FRMD4A: variants seen among roughly 807,000 people sequenced by gnomAD.
The protein encoded by FRMD4A is FERM domain containing 4A, also known as FERM domain-containing protein 4A.
A neutral mutation model predicts 129.1 loss-of-function variants in FRMD4A; 29 were observed. That is an observed-to-expected ratio of 0.22 (90% CI 0.17 to 0.31). The LOEUF (loss-of-function observed/expected upper bound fraction) is 0.31. Among genes scored for constraint, FRMD4A ranks in the 10% least tolerant of loss-of-function variants. The pLI is 1.00. For missense variants in FRMD4A, 1,272 were observed against 1,375.8 expected, an observed-to-expected ratio of 0.92 and a Z score of 1.19; for synonymous variants, 634 against 571.6, an observed-to-expected ratio of 1.11 and a Z score of -1.56.
chr10:13,787,754 T>C (rs546735480), intron 5 of FRMD4A, among the ~76,000 whole-genome samples: 97 of 151,920 alleles, frequency 6.4e-4, no homozygotes, highest in Non-Finnish European at 9.6e-4. Context: ...TCTTCTTCTT[T>C]TTTTTTTTTA....
rs370407339 is a variant in FRMD4A at position 13,707,105 on chromosome 10, T to C, written c.768A>G (p.Gln256=). Residue 256 remains glutamine, a synonymous_variant, in exon 13 of 25, where the codon CAA becomes CAG. Coordinates refer to ENST00000357447, the MANE Select transcript of FRMD4A (RefSeq NM_018027.5). The stretch of plus-strand genomic sequence containing the variant: ...AGTACAGGTTTTCCAACTGTCTCCA[T>C]TGGAATATCTGGACAGAAAACAGTG... ...HDKVKPRKIF[Q]WRQLENLYFR... The C allele has an allele frequency of 4.9e-5, 76 of 1,559,848 alleles. No homozygotes were observed. The highest frequency in any genetic ancestry group is 2.8e-4 in the African/African-American group (21 of 73,808).
intron 2 of FRMD4A, among the ~76,000 whole-genome samples, chr10:14,151,916 C>T (rs1840357777): frequency 1.3e-5 from 2 of 152,098 alleles, no homozygotes; most frequent in African/African-American, 2.4e-5. Flanking sequence ...AGGACACTTT[C>T]TACCCCAGGT....
intron 2 of FRMD4A, among the ~76,000 whole-genome samples, chr10:13,995,869 C>T (rs2457835): frequency 1 from 151,435 of 151,574 alleles, 75,649 homozygotes; most frequent in Non-Finnish European, 1. Context: ...GCTCTGCTAC[C>T]TGACAACCCA....
rs142498017 is a variant in FRMD4A, at chr10:13,969,526, C to T, written c.46-110614G>A. Among the ~76,000 whole-genome samples, 66 of 152,290 alleles carry T rather than the reference C, an allele frequency of 4.3e-4. 1 individual carries two copies. In the East Asian group the frequency reaches 9.7e-3, roughly 22 times the overall value. On this transcript the variant is annotated intron_variant, in intron 2 of 24. Coordinates refer to ENST00000357447, the MANE Select transcript of FRMD4A (RefSeq NM_018027.5). ...AAATCCTAAAAAATGGCCCCTGAGG[C>T]GGGGCTAGCCCACCCTGCTTAGTTG...
chr10:13,915,488 C>T (rs902101344), intron 2 of FRMD4A, among the ~76,000 whole-genome samples: 10 of 151,260 alleles, frequency 6.6e-5, no homozygotes, highest in Middle Eastern at 3.4e-3. Flanking sequence ...CTGGCTAACA[C>T]GGTGAAACCC....
intron 2 of FRMD4A, among the ~76,000 whole-genome samples, chr10:13,926,808 T>A: frequency 6.6e-6 from 1 of 152,338 alleles, no homozygotes; most frequent in Non-Finnish European, 1.5e-5. Context: ...AAGACCCACA[T>A]ACTTTTAGAG....
chr10:14,019,297 A>G (rs970483923), intron 2 of FRMD4A, among the ~76,000 whole-genome samples: 1 of 152,220 alleles, frequency 6.6e-6, no homozygotes, highest in African/African-American at 2.4e-5. Context: ...TCTATTGAAA[A>G]TCTTAGATAA....
intron 2 of FRMD4A, among the ~76,000 whole-genome samples, chr10:14,210,791 A>G (rs559557842): frequency 6.6e-6 from 1 of 152,278 alleles, no homozygotes; most frequent in South Asian, 2.1e-4. Flanking sequence ...GCAGTGACAC[A>G]GTCTTGGCTC....
chr10:14,212,270 A>T (rs1842953062), intron 2 of FRMD4A, among the ~76,000 whole-genome samples: 1 of 152,108 alleles, frequency 6.6e-6, no homozygotes, highest in Non-Finnish European at 1.5e-5. Context: ...AATATGAAGG[A>T]CAAGAGGTTG....
intron 2 of FRMD4A, among the ~76,000 whole-genome samples, chr10:14,206,516 G>C (rs563400903): frequency 6.6e-4 from 100 of 152,188 alleles, no homozygotes; most frequent in Non-Finnish European, 1.3e-3. Context: ...AAAAGAGAAA[G>C]ACTGGGCTCA....
chr10:13,971,216 C>T (rs1285367821), intron 2 of FRMD4A, among the ~76,000 whole-genome samples: 1 of 152,194 alleles, frequency 6.6e-6, no homozygotes, highest in African/African-American at 2.4e-5. Context: ...CATGCACGCA[C>T]GGTTTGATAA....
chr10:14,128,011 T>TCTTCCTTCCTTC lies in FRMD4A; in HGVS notation c.45+202035_45+202046dup, dbSNP rs1234412308. Among the ~76,000 whole-genome samples, 10 of 96,798 alleles carry TCTTCCTTCCTTC rather than the reference T, an allele frequency of 1.0e-4. 1 individual carries two copies. The highest frequency in any genetic ancestry group is 1.4e-4 in the Non-Finnish European group (7 of 49,842). 63.5% of individuals were successfully genotyped at this position (96,798 alleles called of 152,430 possible). ...CTCTCTCTCTCTCTCTTTCTTTCTT[T>TCTTCCTTCCTTC]CTTCCTTCCTTCCTTCCTTCCTTCC... On this transcript the variant is annotated intron_variant, in intron 2 of 24. Coordinates refer to ENST00000357447, the MANE Select transcript of FRMD4A (RefSeq NM_018027.5).
At chr10:13,775,425 A>AC (rs1564781706) in intron 6 of FRMD4A, among the ~76,000 whole-genome samples, 1 of 151,080 alleles carries the variant, frequency 6.6e-6, no homozygotes, top group Non-Finnish European at 1.5e-5. Flanking sequence ...TCTGAGAGAA[A>AC]TTTTTTTTTT....
intron 3 of FRMD4A, among the ~76,000 whole-genome samples, chr10:13,856,286 C>T (rs1047516310): frequency 1.8e-4 from 27 of 150,718 alleles, no homozygotes; most frequent in Non-Finnish European, 3.7e-4. Context: ...TGTGAAGCAA[C>T]TGGTACTCTG....
chr10:14,306,348 C>T (rs1017519460), intron 2 of FRMD4A, among the ~76,000 whole-genome samples: 19 of 152,124 alleles, frequency 1.2e-4, no homozygotes, highest in Non-Finnish European at 2.6e-4. Flanking sequence ...ACAGAGAGGT[C>T]ATCTGAACTA....
chr10:14,195,654 CTAAT>C (rs1842451987), intron 2 of FRMD4A, among the ~76,000 whole-genome samples: 2 of 152,172 alleles, frequency 1.3e-5, no homozygotes, highest in Non-Finnish European at 2.9e-5. Context: ...CAAGCTGGGG[CTAAT>C]CAGTTTCTTA....
chr10:13,824,894 CAAAAAAA>C (rs1165591899), intron 3 of FRMD4A, among the ~76,000 whole-genome samples: 2 of 54,834 alleles, frequency 3.6e-5, no homozygotes, highest in African/African-American at 6.6e-5. Flanking sequence ...GACTCTGTCT[CAAAAAAA>C]AAAAAAAAAA....
At chr10:14,055,461 A>AC (rs1834475102) in intron 2 of FRMD4A, among the ~76,000 whole-genome samples, 86 of 23,092 alleles carry the variant, frequency 3.7e-3, no homozygotes, top group African/African-American at 6.5e-3. Flanking sequence ...ACACACACAC[A>AC]AACACACACA....
chr10:13,691,230 C>T (rs1054867901), intron 15 of FRMD4A, among the ~76,000 whole-genome samples: 9 of 152,340 alleles, frequency 5.9e-5, no homozygotes, highest in African/African-American at 1.9e-4. Flanking sequence ...TCAAGCGATC[C>T]GCCTGCCTTG....
Sources: gnomAD v4.1 joint callset for allele counts (sites outside exome capture counted in the v4.1 genomes callset) on GRCh38, gnomAD v4.1.1 for gene constraint, MANE v1.5 for transcripts, NCBI Gene and HGNC (gene_info 2026-07-23, HGNC 2026-07-21) for gene names.